The following TLN2 variants were observed in gnomAD, a reference collection of about 807,000 sequenced individuals.
TLN2 encodes talin 2, also known as talin-2.
TLN2 carries 118 observed loss-of-function variants against 294.7 expected under a neutral mutation model. The observed-to-expected ratio is 0.40, with a 90% CI of 0.34 to 0.47. The LOEUF (loss-of-function observed/expected upper bound fraction) is 0.47. Ranked by LOEUF, TLN2 falls within the 20% of genes least tolerant of loss-of-function variation. The pLI, the probability that TLN2 is intolerant of heterozygous loss-of-function variation, is 0.84. For missense variants in TLN2, 3,083 were observed against 3,282.2 expected, an observed-to-expected ratio of 0.94 and a Z score of 1.48; for synonymous variants, 1,431 against 1,304.5, an observed-to-expected ratio of 1.10 and a Z score of -2.09.
intron 1 of TLN2, among the ~76,000 whole-genome samples, chr15:62,566,164 G>A (rs2043375027): frequency 6.6e-6 from 1 of 152,148 alleles, no homozygotes; most frequent in Admixed American, 6.6e-5. Context: ...GAACACACAG[G>A]TGTGAACAGG....
chr15:62,407,543 A>G (rs1175977944), intron 1 of TLN2, among the ~76,000 whole-genome samples: 1 of 152,162 alleles, frequency 6.6e-6, no homozygotes, highest in Non-Finnish European at 1.5e-5. Context: ...TTTAGAGGGG[A>G]AAAACCACCA....
intron 13 of TLN2, among the ~76,000 whole-genome samples, chr15:62,693,337 A>C (rs1346256064): frequency 6.6e-6 from 1 of 152,236 alleles, no homozygotes; most frequent in Non-Finnish European, 1.5e-5. Flanking sequence ...ATCTCAAAAA[A>C]AAACAACAAA....
chr15:62,660,091 A>G (rs1045433185), intron 9 of TLN2, among the ~76,000 whole-genome samples: 2 of 152,210 alleles, frequency 1.3e-5, no homozygotes, highest in Non-Finnish European at 2.9e-5. Context: ...TGGACTTGTG[A>G]CAGTCATGCT....
At chr15:62,516,872 G>A (rs949301734) in intron 1 of TLN2, among the ~76,000 whole-genome samples, 5 of 152,188 alleles carry the variant, frequency 3.3e-5, no homozygotes, top group African/African-American at 1.2e-4. Context: ...GGCAGAATTA[G>A]GTATTGATAA....
intron 25 of TLN2, among the ~76,000 whole-genome samples, 191 bp downstream of exon 25, chr15:62,720,071 A>C (rs1276580068): frequency 6.6e-6 from 1 of 152,256 alleles, no homozygotes; most frequent in African/African-American, 2.4e-5. Context: ...AAATGCTGAT[A>C]TGCAGGGAAA....
At position 62,797,328 on chromosome 15, in the gene TLN2, G is replaced by C; in HGVS notation, c.6160G>C (p.Ala2054Pro). The C allele has an allele frequency of 1.2e-6, 2 of 1,613,678 alleles. No individual in the cohort carries two copies. The highest frequency in any genetic ancestry group is 1.7e-6 in the Non-Finnish European group (2 of 1,179,982). Residue 2054 changes from alanine to proline, a missense_variant, in exon 48 of 59, where the codon GCC becomes CCC. By Grantham distance (27) the Ala-to-Pro change is conservative. Transcript: ENST00000636159. The stretch of plus-strand genomic sequence containing the variant: ...GGCCCAGGCGGCCCAGTCCTCAGCA[G>C]CCACCATCACCCAGCTCGCAGAAGT... ...KLAQAAQSSA[A>P]TITQLAEVVK...
intron 9 of TLN2, among the ~76,000 whole-genome samples, chr15:62,667,188 G>C (rs192105422): frequency 8.9e-4 from 135 of 152,122 alleles, no homozygotes; most frequent in Middle Eastern, 3.4e-3. Context: ...GGATGGTCTC[G>C]ATCTCCTGAC....
chr15:62,396,684 G>T (rs1267463601), intron 1 of TLN2, among the ~76,000 whole-genome samples: 1 of 151,726 alleles, frequency 6.6e-6, no homozygotes, highest in Non-Finnish European at 1.5e-5. Context: ...GACCAACAGT[G>T]CAGGGAGAGC....
In TLN2 at chr15:62,781,219, T is replaced by C. The variant is rs1226953853; in HGVS notation, c.5594T>C (p.Ile1865Thr). 1.9e-6 allele frequency: 3 copies of C among 1,614,016 alleles called. No homozygotes were observed. Among genetic ancestry groups the C allele is most frequent in the African/African-American group, 2.7e-5 (2 of 74,916 alleles). ...ACTGTGGTTAAATACTCCAAAGCCA[T>C]TGCGGTGACAGCTCAGGAAATGGTA... ...QTTVVKYSKA[I>T]AVTAQEMMTK... The change falls in exon 44 of 59, where the codon ATT becomes ACT. Residue 1865 changes from isoleucine (I) to threonine (T), a missense_variant. Ile to Thr is a moderately conservative substitution (Grantham distance 89). Coordinates refer to ENST00000636159, the MANE Select transcript of TLN2 (RefSeq NM_015059.3).
Position 62,708,645 on chromosome 15 carries a change from A to G in TLN2, c.2316A>G (p.Ala772=). 1 of 1,614,202 alleles carries G rather than the reference A, an allele frequency of 6.2e-7. No homozygotes were observed. Among genetic ancestry groups the G allele is most frequent in the Non-Finnish European group, 8.5e-7 (1 of 1,180,040 alleles). Residue 772 remains alanine (A), a synonymous_variant, in exon 21 of 59, where the codon GCA becomes GCG. Coordinates refer to ENST00000636159, the MANE Select transcript of TLN2 (RefSeq NM_015059.3). ...TDSELLKQVS[A]AASVVSQALH... ...GTGAGCTCCTGAAGCAGGTCAGCGCAGCGGCCAGCGTGGTCAGCCAGGCCC... is the reference window on the plus strand; with the variant it reads ...GTGAGCTCCTGAAGCAGGTCAGCGCGGCGGCCAGCGTGGTCAGCCAGGCCC...
intron 1 of TLN2, among the ~76,000 whole-genome samples, chr15:62,417,437 A>T (rs2034148310): frequency 6.6e-6 from 1 of 152,170 alleles, no homozygotes; most frequent in African/African-American, 2.4e-5. Context: ...CAGCTTAGAA[A>T]ATTGCTTTAC....
chr15:62,614,452 T>G (rs1043528442), intron 2 of TLN2, among the ~76,000 whole-genome samples: 5 of 152,174 alleles, frequency 3.3e-5, no homozygotes, highest in African/African-American at 1.2e-4. Flanking sequence ...AAACTTTCAA[T>G]TTTGCTGCTT....
At position 62,840,934 on chromosome 15, in the gene TLN2, T is replaced by C. The variant is rs1266387857; in HGVS notation, c.*324T>C. The C allele has an allele frequency of 9.4e-6, 2 of 213,074 alleles. No homozygotes were observed. Among genetic ancestry groups the C allele is most frequent in the Non-Finnish European group, 1.8e-5 (2 of 108,458 alleles). 13.2% of individuals were successfully genotyped at this position (213,074 alleles called of 1,614,324 possible). A position where few individuals can be genotyped will look rare whatever the true frequency, so the allele number is the denominator to read the frequency against. ...ATGTTGTTCTCAGACACTTTGGCTTTTGTTGGTCCTTCTCTTAGGCCTGCT... is the reference window on the plus strand; with the variant it reads ...ATGTTGTTCTCAGACACTTTGGCTTCTGTTGGTCCTTCTCTTAGGCCTGCT... On this transcript the variant is annotated 3_prime_UTR_variant, in exon 59 of 59. Transcript: ENST00000636159.
rs113069527 is a variant in TLN2 at position 62,698,461 on chromosome 15, C to T, written c.1474-293C>T. On this transcript the variant is annotated intron_variant, in intron 15 of 58. Transcript: ENST00000636159. Reference sequence around the variant, plus strand: ...CTCAGTACTCAAAGATTGGATCACCCCAGTTCCCCAGCAAGGACTCTTCTG... The same window carrying T: ...CTCAGTACTCAAAGATTGGATCACCTCAGTTCCCCAGCAAGGACTCTTCTG... 4.4e-3 allele frequency among the ~76,000 whole-genome samples: 665 copies of T among 152,296 alleles called. 9 individuals are homozygous for T. Among genetic ancestry groups the T allele is most frequent in the African/African-American group, 0.014 (574 of 41,558 alleles).
intron 1 of TLN2, among the ~76,000 whole-genome samples, chr15:62,562,097 AC>A (rs1163347205): frequency 1.3e-5 from 2 of 152,120 alleles, no homozygotes; most frequent in African/African-American, 4.8e-5. Context: ...TAATAGATAC[AC>A]CCGAATCGTT....
chr15:62,581,126 T>C (rs28574784), intron 1 of TLN2, among the ~76,000 whole-genome samples: 48,209 of 151,936 alleles, frequency 0.32, 7,759 homozygotes, highest in Middle Eastern at 0.43. Context: ...GTGATCCGCC[T>C]GCCTTGGCCT....
intron 2 of TLN2, among the ~76,000 whole-genome samples, chr15:62,608,516 G>A (rs1390778020): frequency 1.3e-5 from 2 of 152,142 alleles, no homozygotes; most frequent in African/African-American, 4.8e-5. Context: ...TCGTAGAGTA[G>A]GAGGAAAGCA....
intron 32 of TLN2, among the ~76,000 whole-genome samples, chr15:62,742,630 GA>G (rs200320619): frequency 1.0e-3 from 154 of 147,380 alleles, no homozygotes; most frequent in African/African-American, 1.4e-3. Flanking sequence ...GGGAAAAGGG[GA>G]AAAAAAAAAG....
At chr15:62,672,446 G>A (rs1055178884) in intron 9 of TLN2, among the ~76,000 whole-genome samples, 5 of 152,104 alleles carry the variant, frequency 3.3e-5, no homozygotes, top group South Asian at 2.1e-4. Flanking sequence ...GATTTGCTTC[G>A]GAATAATCCA....
Sources: gnomAD v4.1 joint callset for allele counts (sites outside exome capture counted in the v4.1 genomes callset) on GRCh38, gnomAD v4.1.1 for gene constraint, MANE v1.5 for transcripts, NCBI Gene and HGNC (gene_info 2026-07-23, HGNC 2026-07-21) for gene names.